The following CSPG5 variants were observed in gnomAD, a reference collection of about 807,000 sequenced individuals.
The protein encoded by CSPG5 is chondroitin sulfate proteoglycan 5, also known as acidic leucine-rich EGF-like domain-containing brain protein.
CSPG5 carries 25 observed loss-of-function variants against 39.8 expected under a neutral mutation model. The ratio of observed to expected loss-of-function variants is 0.63; its 90% CI spans 0.46 to 0.88. The LOEUF (loss-of-function observed/expected upper bound fraction) is 0.88, where lower values mean the gene tolerates loss of function less well. CSPG5 is among the 40% of genes least tolerant of loss of function. CSPG5 has a pLI of 0.00. For missense variants in CSPG5, 627 were observed against 702.2 expected (o/e 0.89, Z 1.21); for synonymous variants, 295 against 303.9 (o/e 0.97, Z 0.31).
Position 47,578,321 on chromosome 3 carries a change from GGCCCC to G in CSPG5, c.97+271_97+275del, listed in dbSNP as rs1298914918. On this transcript the variant is annotated intron_variant, in intron 1 of 4. Transcript: ENST00000264723. This position sits in a 1 kb window ranked among gnomAD's most constrained non-coding sequence, Gnocchi z 6.0. ...AAGTCTCACCCTCAGGCCCCGCCCC[GGCCCC>G]GCCCCGGCCCCGCCCCCGGCCCCGC... Among the ~76,000 whole-genome samples, 1 of 66,934 alleles carries G rather than the reference GGCCCC, an allele frequency of 1.5e-5. No homozygotes were observed. The highest frequency in any genetic ancestry group is 3.3e-5 in the Non-Finnish European group (1 of 29,946). 43.9% of individuals were successfully genotyped at this position (66,934 alleles called of 152,430 possible).
rs1407278635 is a variant in CSPG5, at chr3:47,577,461, G to A, written c.565C>T (p.Pro189Ser). 2 of 1,614,010 alleles carry A rather than the reference G, an allele frequency of 1.2e-6. No homozygotes were observed. Among genetic ancestry groups the A allele is most frequent in the South Asian group, 2.2e-5 (2 of 91,080 alleles). ...LGGSTPDPQG[P>S]ELTYPFQGTL... ...CCCTGAAATGGGTAAGTCAGCTCTGGCCCTTGAGGGTCGGGTGTGCTGCCC... is the reference window on the plus strand; with the variant it reads ...CCCTGAAATGGGTAAGTCAGCTCTGACCCTTGAGGGTCGGGTGTGCTGCCC... Residue 189 changes from proline (P) to serine (S), a missense_variant, in exon 2 of 5, where the codon CCA becomes TCA. By Grantham distance (74) the Pro-to-Ser change is moderately conservative. Transcript: ENST00000264723. This position sits in a 1 kb window ranked among gnomAD's most constrained non-coding sequence, Gnocchi z 4.7.
Position 47,577,426 on chromosome 3 carries a change from C to G in CSPG5, c.600G>C (p.Glu200Asp), listed in dbSNP as rs752936372. 6.2e-7 allele frequency: 1 copy of G among 1,614,146 alleles called. No individual in the cohort carries two copies. The highest frequency in any genetic ancestry group is 1.1e-5 in the South Asian group (1 of 91,082). ...ELTYPFQGTL[E>D]PQPASDIIDI... is the part of the protein sequence containing the mutation. Reference sequence around the variant, plus strand: ...CAATGATATCTGATGCCGGTTGGGGCTCCAGGGTGCCCTGAAATGGGTAAG... The same window carrying G: ...CAATGATATCTGATGCCGGTTGGGGGTCCAGGGTGCCCTGAAATGGGTAAG... The change falls in exon 2 of 5, where the codon GAG becomes GAC. Residue 200 changes from glutamate (E) to aspartate (D), a missense_variant. Physicochemically the swap from Glu to Asp is conservative, Grantham distance 45. Transcript: ENST00000264723. This position sits in a 1 kb window ranked among gnomAD's most constrained non-coding sequence, Gnocchi z 4.7.
chr3:47,570,061 T>C lies in CSPG5; in HGVS notation c.1383-834A>G, dbSNP rs1209890585. Among the ~76,000 whole-genome samples, 5 of 152,144 alleles carry C rather than the reference T, an allele frequency of 3.3e-5. No homozygotes were observed. In the East Asian group the frequency reaches 5.8e-4, roughly 18 times the overall value. On this transcript the variant is annotated intron_variant, in intron 3 of 4. Coordinates refer to ENST00000264723, the MANE Select transcript of CSPG5 (RefSeq NM_006574.4). Reference sequence around the variant, plus strand: ...ACTGCGCCCAGTCAAATACTGTATTTCATCAAATGCCATGGATTATCTTTT... The same window carrying C: ...ACTGCGCCCAGTCAAATACTGTATTCCATCAAATGCCATGGATTATCTTTT...
intron 3 of CSPG5, among the ~76,000 whole-genome samples, chr3:47,570,360 T>A (rs951712601): frequency 3.3e-5 from 5 of 151,944 alleles, no homozygotes; most frequent in Non-Finnish European, 7.4e-5. Context: ...TGCTTTGGCC[T>A]CCCAAAGTCT....
Position 47,569,216 on chromosome 3 carries a change from G to A in CSPG5, c.1394C>T (p.Thr465Ile). The change falls in exon 4 of 5, where the codon ACC becomes ATC. Residue 465 changes from threonine (T) to isoleucine (I), a missense_variant. Physicochemically the swap from Thr to Ile is moderately conservative, Grantham distance 89. Coordinates refer to ENST00000264723, the MANE Select transcript of CSPG5 (RefSeq NM_006574.4). The part of the protein sequence containing the change: ...TKLRRTNKFR[T>I]PSELHNDNFS... The stretch of plus-strand genomic sequence containing the variant: ...GTTATCATTGTGGAGCTCAGATGGG[G>A]TCCGGAATTTGCTGGTTAGGAGAGA... 2 of 1,613,740 alleles carry A rather than the reference G, an allele frequency of 1.2e-6. No homozygotes were observed. Among genetic ancestry groups the A allele is most frequent in the Non-Finnish European group, 1.7e-6 (2 of 1,179,800 alleles).
intron 4 of CSPG5, among the ~76,000 whole-genome samples, chr3:47,567,733 C>CCCATCTATAAA (rs2031366639): frequency 1.3e-5 from 2 of 152,172 alleles, no homozygotes; most frequent in South Asian, 4.1e-4. Flanking sequence ...GGAAGAAGGC[C>CCCATCTATAAA]AGGCATGGTA....
At chr3:47,568,186 G>A (rs2031385280) in intron 4 of CSPG5, among the ~76,000 whole-genome samples, 1 of 152,158 alleles carries the variant, frequency 6.6e-6, no homozygotes, top group Non-Finnish European at 1.5e-5. Flanking sequence ...AGTTTAACTT[G>A]CTTATCTGTG....
rs865844420 is a variant in CSPG5, at chr3:47,578,039, T to C, written c.98-111A>G. ...CGCCTAGACCTGGTCAACCCAGACC[T>C]CGCCACCCTCAGACCCCACCGCCCC... On this transcript the variant is annotated intron_variant, in intron 1 of 4. Coordinates refer to ENST00000264723, the MANE Select transcript of CSPG5 (RefSeq NM_006574.4). This position sits in a 1 kb window ranked among gnomAD's most constrained non-coding sequence, Gnocchi z 6.0. 246 of 1,317,192 alleles carry C rather than the reference T, an allele frequency of 1.9e-4. 3 individuals carry two copies. The African/African-American group carries it at 3.3e-3, about 18-fold the overall frequency. The allele number at this position is 1,317,192 out of a possible 1,614,324, so 81.6% of individuals were successfully genotyped here.
chr3:47,579,893 A>G (rs1251407466), upstream of CSPG5: 1 of 152,190 alleles, frequency 6.6e-6, no homozygotes, highest in Admixed American at 6.5e-5. This position sits in a 1 kb window ranked among gnomAD's most constrained non-coding sequence, Gnocchi z 4.2. Flanking sequence ...TACTCACCCA[A>G]ATGACAGTTC....
chr3:47,566,412 C>A (rs1455845824), intron 4 of CSPG5, among the ~76,000 whole-genome samples: 1 of 152,156 alleles, frequency 6.6e-6, no homozygotes, highest in African/African-American at 2.4e-5. Context: ...GCGGCTGTAG[C>A]AGTGAGCAGG....
chr3:47,576,633 T>C (rs2031747337), intron 2 of CSPG5, among the ~76,000 whole-genome samples, 200 bp downstream of exon 2: 3 of 152,122 alleles, frequency 2.0e-5, no homozygotes, highest in African/African-American at 4.8e-5. Flanking sequence ...TAATTTTTTG[T>C]ATTTTTAGTA....
At position 47,562,685 on chromosome 3, in the gene CSPG5, T is replaced by G. The variant is rs1486481042; in HGVS notation, c.1535A>C (p.Gln512Pro). 1.2e-6 allele frequency: 2 copies of G among 1,614,136 alleles called. No individual in the cohort carries two copies. Among genetic ancestry groups the G allele is most frequent in the Admixed American group, 3.3e-5 (2 of 60,014 alleles). The change falls in exon 5 of 5, where the codon CAG (glutamine) becomes CCG (proline). Residue 512 changes from glutamine (Q) to proline (P), a missense_variant. Coordinates refer to ENST00000264723, the MANE Select transcript of CSPG5 (RefSeq NM_006574.4). ...CLKEEESFNIQNSMSPKLEGG... is the reference protein window; with the variant it reads ...CLKEEESFNIPNSMSPKLEGG... Reference sequence around the variant, plus strand: ...CTCAAGTTTGGGCGACATGGAGTTCTGGATGTTAAATGACTCCTCCTCTTT... The same window carrying G: ...CTCAAGTTTGGGCGACATGGAGTTCGGGATGTTAAATGACTCCTCCTCTTT...
At chr3:47,570,863 T>C (rs2031503456) in intron 3 of CSPG5, among the ~76,000 whole-genome samples, 1 of 152,174 alleles carries the variant, frequency 6.6e-6, no homozygotes, top group Non-Finnish European at 1.5e-5. Flanking sequence ...AGACTTTAGA[T>C]AAGGGACTGA....
chr3:47,574,766 C>T (rs1338093601), intron 2 of CSPG5, among the ~76,000 whole-genome samples: 1 of 152,088 alleles, frequency 6.6e-6, no homozygotes, highest in Non-Finnish European at 1.5e-5. Flanking sequence ...AGTGAAATCC[C>T]GTCTTTACTA....
At chr3:47,571,760 TG>T (rs2031537748) in intron 3 of CSPG5, among the ~76,000 whole-genome samples, 1 of 151,858 alleles carries the variant, frequency 6.6e-6, no homozygotes, top group African/African-American at 2.4e-5. Context: ...GGGGGATTAA[TG>T]GGGCAACAGG....
intron 4 of CSPG5, among the ~76,000 whole-genome samples, chr3:47,563,505 C>T (rs950927852): frequency 6.6e-6 from 1 of 152,200 alleles, no homozygotes; most frequent in African/African-American, 2.4e-5. Context: ...TGACAAACTC[C>T]TGAACCTGAG....
At position 47,578,525 on chromosome 3, in the gene CSPG5, C is replaced by A; in HGVS notation, c.97+72G>T. On this transcript the variant is annotated intron_variant, in intron 1 of 4. Transcript: ENST00000264723. This position sits in a 1 kb window ranked among gnomAD's most constrained non-coding sequence, Gnocchi z 6.0. The stretch of plus-strand genomic sequence containing the variant: ...CCACAGCTCACAGCTCCACCTGTCC[C>A]CGCCGCCAGCGGGACCCCTGCCCTG... 2 of 485,574 alleles carry A rather than the reference C, an allele frequency of 4.1e-6. No homozygotes were observed. Among genetic ancestry groups the A allele is most frequent in the South Asian group, 9.3e-5 (1 of 10,786 alleles). 30.1% of individuals were successfully genotyped at this position (485,574 alleles called of 1,614,324 possible).
At chr3:47,580,031 G>A (rs1248269988), upstream of CSPG5, 1 of 152,236 alleles carries the variant, frequency 6.6e-6, no homozygotes, top group African/African-American at 2.4e-5. Context: ...CATATCTCCA[G>A]ATGGAGTTGC....
chr3:47,575,534 A>G (rs2031686554), intron 2 of CSPG5, among the ~76,000 whole-genome samples: 1 of 152,220 alleles, frequency 6.6e-6, no homozygotes, highest in Admixed American at 6.5e-5. Flanking sequence ...TAGGAAAACT[A>G]AACTCTGAGT....
Sources: gnomAD v4.1 joint callset for allele counts (sites outside exome capture counted in the v4.1 genomes callset) on GRCh38, gnomAD v4.1.1 for gene constraint, Gnocchi (gnomAD v3.1) non-coding constraint, MANE v1.5 for transcripts, NCBI Gene and HGNC (gene_info 2026-07-23, HGNC 2026-07-21) for gene names.